Variants in ALKBH8 observed in about 807,000 individuals in gnomAD.
The protein encoded by ALKBH8 is tRNA (carboxymethyluridine(34)-5-O)-methyltransferase ALKBH8.
A neutral mutation model predicts 59.8 loss-of-function variants in ALKBH8; 36 were observed. That is an observed-to-expected ratio of 0.60 (90% confidence interval 0.46 to 0.79). ALKBH8 has a LOEUF of 0.79. Among genes scored for constraint, ALKBH8 ranks in the 30% least tolerant of loss-of-function variants. The pLI is 0.00. For synonymous variants in ALKBH8, 276 were observed against 273.6 expected, an observed-to-expected ratio of 1.01 and a Z score of -0.09; for missense variants, 768 against 801.0, an observed-to-expected ratio of 0.96 and a Z score of 0.50.
intron 8 of ALKBH8, among the ~76,000 whole-genome samples, chr11:107,528,247 T>C (rs1863433386): frequency 6.6e-6 from 1 of 152,146 alleles, no homozygotes; most frequent in African/African-American, 2.4e-5. Context: ...TTATGAGAGA[T>C]GTTGGTTTGT....
Position 107,525,447 on chromosome 11 carries a change from T to C in ALKBH8, c.1024A>G (p.Asn342Asp). Residue 342 changes from asparagine to aspartate, a missense_variant, in exon 9 of 12, where the codon AAC (asparagine) becomes GAC (aspartate). Coordinates refer to ENST00000428149, the MANE Select transcript of ALKBH8 (RefSeq NM_138775.3). ...GATAAGAGTATATACTTACTACAGT[T>C]ACAAGGTGTTTGCCTCACTTTCCTA... Reference protein sequence around the residue: ...TFRKVRQTPCNCSYPLVCDSQ... With the variant: ...TFRKVRQTPCDCSYPLVCDSQ... 1 of 1,544,980 alleles carries C rather than the reference T, an allele frequency of 6.5e-7. No individual in the cohort carries two copies. Among genetic ancestry groups the C allele is most frequent in the Non-Finnish European group, 8.7e-7 (1 of 1,144,046 alleles).
At chr11:107,518,775 C>T (rs1289575040) in intron 10 of ALKBH8, among the ~76,000 whole-genome samples, 1 of 147,966 alleles carries the variant, frequency 6.8e-6, no homozygotes, top group East Asian at 2.0e-4. Context: ...AGAAACAATG[C>T]TAATGACTGG....
chr11:107,559,487 G>T (rs963319509), intron 2 of ALKBH8, among the ~76,000 whole-genome samples: 6 of 151,684 alleles, frequency 4.0e-5, no homozygotes, highest in Non-Finnish European at 8.8e-5. Context: ...CTTCAGAGGG[G>T]TCAAAGAAAT....
intron 7 of ALKBH8, among the ~76,000 whole-genome samples, chr11:107,545,698 C>A (rs1426759628): frequency 1.3e-5 from 2 of 151,268 alleles, no homozygotes; most frequent in Non-Finnish European, 3.0e-5. Context: ...ATATCAGCAG[C>A]TATCTCTGCC....
In ALKBH8 at chr11:107,532,552, C is replaced by T; in HGVS notation, c.772-146G>A. On this transcript the variant is annotated intron_variant, in intron 7 of 11. Coordinates refer to ENST00000428149, the MANE Select transcript of ALKBH8 (RefSeq NM_138775.3). Reference sequence around the variant, plus strand: ...TGCAGAAAAGCATAGCACAGTGGTTCTCAAACTTTACTGTACATGAGAATC... The same window carrying T: ...TGCAGAAAAGCATAGCACAGTGGTTTTCAAACTTTACTGTACATGAGAATC... The T allele has an allele frequency of 4.9e-6, 3 of 611,084 alleles. No homozygotes were observed. The East Asian group carries it at 8.9e-5, about 18-fold the overall frequency. The allele number at this position is 611,084 out of a possible 1,614,324, so 37.9% of individuals were successfully genotyped here.
chr11:107,505,219 A>AT lies in ALKBH8; in HGVS notation c.1438-5dup. 1 of 1,517,050 alleles carries AT rather than the reference A, an allele frequency of 6.6e-7. No homozygotes were observed. The highest frequency in any genetic ancestry group is 2.5e-5 in the East Asian group (1 of 40,676). 94.0% of individuals were successfully genotyped at this position (1,517,050 alleles called of 1,614,324 possible). A position where few individuals can be genotyped will look rare whatever the true frequency, so the allele number is the denominator to read the frequency against. On this transcript the variant is annotated splice_region_variant and splice_polypyrimidine_tract_variant and intron_variant, in intron 11 of 11. Transcript: ENST00000428149. ...GGAGAGCTGCCACTCTACGCTCCTA[A>AT]TGAAAAAAAACAAAACACATGATCA...
intron 1 of ALKBH8, among the ~76,000 whole-genome samples, chr11:107,562,095 C>G (rs966478576): frequency 1.3e-5 from 2 of 152,096 alleles, no homozygotes; most frequent in African/African-American, 2.4e-5. Context: ...GTCAGGAGTT[C>G]AAGACCAGCC....
Position 107,512,727 on chromosome 11 carries a change from A to G in ALKBH8, c.1288-1691T>C, listed in dbSNP as rs192791395. On this transcript the variant is annotated intron_variant, in intron 10 of 11. Coordinates refer to ENST00000428149, the MANE Select transcript of ALKBH8 (RefSeq NM_138775.3). ...TTAGTCAAACAGAAGTGGCCACCTAAAGTGTATATTTACTCATTTAATTTT... is the reference window on the plus strand; with the variant it reads ...TTAGTCAAACAGAAGTGGCCACCTAGAGTGTATATTTACTCATTTAATTTT... Among the ~76,000 whole-genome samples the G allele has an allele frequency of 1.2e-4, 19 of 152,294 alleles. No individual in the cohort carries two copies. In the East Asian group the frequency reaches 3.5e-3, roughly 28 times the overall value.
chr11:107,564,367 A>T (rs539456982), intron 1 of ALKBH8, among the ~76,000 whole-genome samples: 1 of 152,280 alleles, frequency 6.6e-6, no homozygotes, highest in Admixed American at 6.5e-5. Context: ...TTATATGTTT[A>T]AAAAAATGCA....
At chr11:107,552,681 G>T (rs906581695) in intron 5 of ALKBH8, among the ~76,000 whole-genome samples, 2 of 152,124 alleles carry the variant, frequency 1.3e-5, no homozygotes, top group Non-Finnish European at 2.9e-5. Flanking sequence ...ATCAATTAAC[G>T]TTTTTTAGTG....
intron 10 of ALKBH8, among the ~76,000 whole-genome samples, chr11:107,519,776 C>A (rs1240919923): frequency 6.6e-6 from 1 of 152,082 alleles, no homozygotes; most frequent in East Asian, 1.9e-4. Flanking sequence ...ATTAGGGATG[C>A]TAAACCTGTA....
chr11:107,549,673 T>C, intron 7 of ALKBH8, 80 bp downstream of exon 7: 2 of 1,022,104 alleles, frequency 2.0e-6, no homozygotes, highest in Non-Finnish European at 2.7e-6. Flanking sequence ...TTCATTTTCA[T>C]TAAGAATGTG....
intron 1 of ALKBH8, chr11:107,562,929 G>C (rs942444632): frequency 1.4e-4 from 22 of 152,236 alleles, no homozygotes; most frequent in Admixed American, 4.6e-4. Flanking sequence ...GAGGGAGACA[G>C]GAATCAAAGA....
At chr11:107,512,148 G>A (rs1010455945) in intron 10 of ALKBH8, among the ~76,000 whole-genome samples, 4 of 151,758 alleles carry the variant, frequency 2.6e-5, no homozygotes, top group African/African-American at 9.7e-5. Flanking sequence ...CTTTAGTTTT[G>A]TTGTTGTAGT....
rs1273079049 is a variant in ALKBH8, at chr11:107,515,682, C to A, written c.1288-4646G>T. 2.0e-5 allele frequency among the ~76,000 whole-genome samples: 3 copies of A among 152,010 alleles called. No individual in the cohort carries two copies. In the South Asian group the frequency reaches 6.2e-4, roughly 32 times the overall value. On this transcript the variant is annotated intron_variant, in intron 10 of 11. Coordinates refer to ENST00000428149, the MANE Select transcript of ALKBH8 (RefSeq NM_138775.3). Reference sequence around the variant, plus strand: ...TATACTTTTATATAATTTTTAAAAACCTCAACAAATATTAAATATGTAATT... The same window carrying A: ...TATACTTTTATATAATTTTTAAAAAACTCAACAAATATTAAATATGTAATT...
chr11:107,510,906 A>C lies in ALKBH8; in HGVS notation c.1418T>G (p.Ile473Ser), dbSNP rs1222983957. 2 of 1,551,528 alleles carry C rather than the reference A, an allele frequency of 1.3e-6. No individual in the cohort carries two copies. Among genetic ancestry groups the C allele is most frequent in the Non-Finnish European group, 8.7e-7 (1 of 1,146,888 alleles). Reference protein sequence around the residue: ...SCDACISIAVIHHFATAERRV... With the variant: ...SCDACISIAVSHHFATAERRV... ...ACTTACTGCTGTTGCAAAATGATGA[A>C]TAACAGCAATGGAGATGCAGGCATC... Residue 473 changes from isoleucine to serine, a missense_variant, in exon 11 of 12, where the codon ATT becomes AGT. Transcript: ENST00000428149.
chr11:107,532,023 A>C (rs1863614752), intron 8 of ALKBH8, among the ~76,000 whole-genome samples: 1 of 152,232 alleles, frequency 6.6e-6, no homozygotes, highest in Non-Finnish European at 1.5e-5. Flanking sequence ...CATATGTGAG[A>C]GAGAAATAAA....
In ALKBH8 at chr11:107,556,788, C is replaced by G. The variant is rs200241711; in HGVS notation, c.345G>C (p.Leu115=). Residue 115 remains leucine, a synonymous_variant, in exon 3 of 12, where the codon CTG becomes CTC. Transcript: ENST00000428149. ...VVDDLGQKIT[L]YLNFVEKVQW... ...TACCTTTTTCCACAAAATTCAAATA[C>G]AGAGTGATCTTTTGTCCTAAATCAT... 3.4e-4 allele frequency: 479 copies of G among 1,402,192 alleles called. No homozygotes were observed. Among genetic ancestry groups the G allele is most frequent in the Non-Finnish European group, 4.3e-4 (455 of 1,068,316 alleles). The allele number at this position is 1,402,192 out of a possible 1,614,324, so 86.9% of individuals were successfully genotyped here.
At chr11:107,530,878 C>T (rs569888045) in intron 8 of ALKBH8, among the ~76,000 whole-genome samples, 1 of 152,010 alleles carries the variant, frequency 6.6e-6, no homozygotes, top group Non-Finnish European at 1.5e-5. Flanking sequence ...TTAACCTGTA[C>T]CATTATCAGA....
Sources: gnomAD v4.1 joint callset for allele counts (sites outside exome capture counted in the v4.1 genomes callset) on GRCh38, gnomAD v4.1.1 for gene constraint, MANE v1.5 for transcripts, NCBI Gene and HGNC (gene_info 2026-07-23, HGNC 2026-07-21) for gene names.